QPCT: variants seen among roughly 807,000 people sequenced by gnomAD.
QPCT encodes the protein glutaminyl-peptide cyclotransferase.
QPCT carries 44 observed loss-of-function variants against 43.4 expected under a neutral mutation model. The ratio of observed to expected loss-of-function variants is 1.01; its 90% CI spans 0.80 to 1.30. The LOEUF (loss-of-function observed/expected upper bound fraction) is 1.30, where lower values mean the gene tolerates loss of function less well. Ranked by LOEUF, QPCT falls within the 50% of genes most tolerant of loss-of-function variation. The pLI, the probability that QPCT is intolerant of heterozygous loss-of-function variation, is 0.00. For synonymous variants in QPCT, 168 were observed against 168.4 expected (o/e 1.00, Z 0.02); for missense variants, 526 against 436.5 (o/e 1.21, Z -1.83).
Position 37,364,372 on chromosome 2 carries a change from A to G in QPCT, c.547-2860A>G, listed in dbSNP as rs752542976. On this transcript the variant is annotated intron_variant, in intron 3 of 6. Transcript: ENST00000338415. ...GCCCCAAGATAACAAACAGATAGGCAGCAGGCCTAGTGGTCGGTCCAGGCT... is the reference window on the plus strand; with the variant it reads ...GCCCCAAGATAACAAACAGATAGGCGGCAGGCCTAGTGGTCGGTCCAGGCT... 9.2e-5 allele frequency among the ~76,000 whole-genome samples: 14 copies of G among 152,352 alleles called. No homozygotes were observed. The East Asian group carries it at 2.3e-3, about 25-fold the overall frequency.
intron 5 of QPCT, among the ~76,000 whole-genome samples, chr2:37,370,034 A>G (rs540020925): frequency 6.6e-6 from 1 of 152,000 alleles, no homozygotes; most frequent in East Asian, 1.9e-4. Context: ...TAAATACAAA[A>G]ATTAGCTGGG....
intron 1 of QPCT, among the ~76,000 whole-genome samples, chr2:37,345,445 T>C (rs1672464977): frequency 1.3e-5 from 2 of 152,182 alleles, no homozygotes; most frequent in South Asian, 4.1e-4. Flanking sequence ...TAAAAGAGGG[T>C]ACCTGCTATT....
At chr2:37,355,418 T>A (rs910818073) in intron 2 of QPCT, among the ~76,000 whole-genome samples, 1 of 152,154 alleles carries the variant, frequency 6.6e-6, no homozygotes, top group African/African-American at 2.4e-5. Flanking sequence ...TGAGGCCTTT[T>A]TGAACACTAG....
intron 2 of QPCT, among the ~76,000 whole-genome samples, chr2:37,353,416 C>T (rs1219703707): frequency 6.6e-6 from 1 of 152,086 alleles, no homozygotes; most frequent in Non-Finnish European, 1.5e-5. Context: ...AAACTTCTGA[C>T]TCTGACACAA....
intron 4 of QPCT, 77 bp from the exon 5 acceptor site, chr2:37,369,608 A>G: frequency 9.2e-7 from 1 of 1,084,954 alleles, no homozygotes; most frequent in Non-Finnish European, 1.4e-6. Context: ...GTTAATTTTG[A>G]CTGATTGTAT....
chr2:37,369,537 G>A (rs1259573151), intron 4 of QPCT, 148 bp from the exon 5 acceptor site: 1 of 632,008 alleles, frequency 1.6e-6, no homozygotes, highest in Non-Finnish European at 2.8e-6. Context: ...AGCATAAAAT[G>A]TTAGTAAATC....
chr2:37,366,716 G>T (rs942625028), intron 3 of QPCT, among the ~76,000 whole-genome samples: 1 of 152,246 alleles, frequency 6.6e-6, no homozygotes, highest in Non-Finnish European at 1.5e-5. Flanking sequence ...GGAGGAAGAA[G>T]TCGAGCTGCA....
intron 1 of QPCT, 23 bp downstream of exon 1, chr2:37,344,874 T>C: frequency 6.4e-7 from 1 of 1,561,398 alleles, no homozygotes; most frequent in Non-Finnish European, 8.6e-7. Flanking sequence ...TTCTGCGTAG[T>C]TGTACTTGAG....
At chr2:37,366,533 A>C (rs1672964882) in intron 3 of QPCT, among the ~76,000 whole-genome samples, 3 of 152,264 alleles carry the variant, frequency 2.0e-5, no homozygotes, top group Admixed American at 1.3e-4. Context: ...AGCTAGACTC[A>C]GTACAAAATT....
intron 1 of QPCT, among the ~76,000 whole-genome samples, chr2:37,348,271 A>C (rs1384238106): frequency 6.6e-6 from 1 of 152,186 alleles, no homozygotes; most frequent in Non-Finnish European, 1.5e-5. Flanking sequence ...TCCTAGTCAC[A>C]GCTAATAAGC....
At chr2:37,361,041 G>A (rs1572734274) in intron 3 of QPCT, among the ~76,000 whole-genome samples, 1 of 152,084 alleles carries the variant, frequency 6.6e-6, no homozygotes. Flanking sequence ...AATATTAATA[G>A]AAAGGTCTGA....
rs949145226 is a variant in QPCT at position 37,364,909 on chromosome 2, T to C, written c.547-2323T>C. ...ATGTGTGTGTTGTGTTGTGTGTGTG[T>C]ATTATTATAATATAATACAATATAA... is the stretch of plus-strand genomic sequence containing the variant. On this transcript the variant is annotated intron_variant, in intron 3 of 6. Transcript: ENST00000338415. Among the ~76,000 whole-genome samples the C allele has an allele frequency of 2.0e-5, 3 of 150,888 alleles. No homozygotes were observed. The South Asian group carries it at 6.2e-4, about 31-fold the overall frequency.
chr2:37,362,230 C>A (rs774119753), intron 3 of QPCT, among the ~76,000 whole-genome samples: 2 of 152,178 alleles, frequency 1.3e-5, no homozygotes, highest in African/African-American at 2.4e-5. Flanking sequence ...TTGTCCCAAC[C>A]GGTCCCGTTC....
chr2:37,359,770 T>C lies in QPCT; in HGVS notation c.458T>C (p.Val153Ala), dbSNP rs767541221. The change falls in exon 3 of 7, where the codon GTG becomes GCG. Residue 153 changes from valine (V) to alanine (A), a missense_variant. Physicochemically the swap from Val to Ala is moderately conservative, Grantham distance 64. Coordinates refer to ENST00000338415, the MANE Select transcript of QPCT (RefSeq NM_012413.4). ...TATTTTTCCCACTGGAACAACAGAGTGTTTGTAGGAGCCACTGATTCAGCC... is the reference window on the plus strand; with the variant it reads ...TATTTTTCCCACTGGAACAACAGAGCGTTTGTAGGAGCCACTGATTCAGCC... ...SKYFSHWNNR[V>A]FVGATDSAVP... is the part of the protein sequence containing the mutation. 6.2e-7 allele frequency: 1 copy of C among 1,613,986 alleles called. No individual in the cohort carries two copies. The highest frequency in any genetic ancestry group is 1.7e-5 in the Admixed American group (1 of 59,994).
chr2:37,358,237 A>G (rs886803976), intron 2 of QPCT, among the ~76,000 whole-genome samples: 2 of 151,910 alleles, frequency 1.3e-5, no homozygotes, highest in Admixed American at 6.6e-5. Flanking sequence ...ATATGGCAAA[A>G]CTCCATCTCT....
In QPCT at chr2:37,372,929, C is replaced by G; in HGVS notation, c.*102C>G. On this transcript the variant is annotated 3_prime_UTR_variant, in exon 7 of 7. Coordinates refer to ENST00000338415, the MANE Select transcript of QPCT (RefSeq NM_012413.4). ...TCAGACAAATGCTGTGTGGAAACATCTATCCTATAGATCATCCTATTCTTA... is the reference window on the plus strand; with the variant it reads ...TCAGACAAATGCTGTGTGGAAACATGTATCCTATAGATCATCCTATTCTTA... 9.8e-7 allele frequency: 1 copy of G among 1,023,606 alleles called. No homozygotes were observed. The highest frequency in any genetic ancestry group is 2.6e-5 in the East Asian group (1 of 38,500). The allele number at this position is 1,023,606 out of a possible 1,614,324, so 63.4% of individuals were successfully genotyped here. A position where few individuals can be genotyped will look rare whatever the true frequency, so the allele number is the denominator to read the frequency against.
chr2:37,366,732 G>C (rs1672970500), intron 3 of QPCT, among the ~76,000 whole-genome samples: 1 of 152,226 alleles, frequency 6.6e-6, no homozygotes, highest in Non-Finnish European at 1.5e-5. Context: ...CTGCAGTGCA[G>C]GTTCAACAAC....
intron 5 of QPCT, among the ~76,000 whole-genome samples, chr2:37,370,654 C>G (rs1480047686): frequency 6.6e-6 from 1 of 152,090 alleles, no homozygotes; most frequent in African/African-American, 2.4e-5. Flanking sequence ...AAAGAGAAAG[C>G]CAGATCCTTT....
Position 37,344,835 on chromosome 2 carries a change from C to A in QPCT, c.104C>A (p.Ala35Asp). 1 of 1,600,814 alleles carries A rather than the reference C, an allele frequency of 6.2e-7. No individual in the cohort carries two copies. ...ASRGVSPSASAWPEEKNYHQP... is the reference protein window; with the variant it reads ...ASRGVSPSASDWPEEKNYHQP... ...AGGGGGGTCAGTCCGAGTGCCTCAG[C>A]CTGGCCAGAGGAGAAGGTGAGGGGC... is the stretch of plus-strand genomic sequence containing the variant. The change falls in exon 1 of 7, where the codon GCC becomes GAC. Residue 35 changes from alanine to aspartate, a missense_variant. By Grantham distance (126) the Ala-to-Asp change is moderately radical. Transcript: ENST00000338415.
Sources: gnomAD v4.1 joint callset for allele counts (sites outside exome capture counted in the v4.1 genomes callset) on GRCh38, gnomAD v4.1.1 for gene constraint, MANE v1.5 for transcripts, NCBI Gene and HGNC (gene_info 2026-07-23, HGNC 2026-07-21) for gene names.